Variants in SYTL5 observed in about 807,000 individuals in gnomAD.
SYTL5 encodes synaptotagmin like 5, also known as synaptotagmin-like protein 5.
In SYTL5, 34 loss-of-function variants were observed where a neutral mutation model predicts 55.9. The observed-to-expected ratio is 0.61, with a 90% CI of 0.46 to 0.81. The LOEUF (loss-of-function observed/expected upper bound fraction) is 0.81, where lower values mean the gene tolerates loss of function less well. Ranked by LOEUF, SYTL5 falls within the 30% of genes least tolerant of loss-of-function variation. The probability of loss-of-function intolerance (pLI) is 0.00; values close to 1 mark genes in which losing one functional copy is unlikely to be tolerated. For synonymous variants in SYTL5, 221 were observed against 188.7 expected (o/e 1.17, Z -1.40); for missense variants, 637 against 546.7 (o/e 1.17, Z -1.65).
intron 2 of SYTL5, among the ~76,000 whole-genome samples, chrX:38,051,170 A>T (rs774634488): frequency 8.9e-6 from 1 of 111,836 alleles, no homozygotes; most frequent in South Asian, 3.8e-4. Context: ...TATGTTGCTG[A>T]ATCCTATCTC....
intron 9 of SYTL5, among the ~76,000 whole-genome samples, chrX:38,100,519 TC>T (rs1216256903): frequency 9.0e-6 from 1 of 110,902 alleles, no homozygotes; most frequent in Non-Finnish European, 1.9e-5. Flanking sequence ...AAACAGGAAA[TC>T]CAGTTGGCTG....
At position 38,061,118 on chromosome X, in the gene SYTL5, A is replaced by T. The variant is rs137986785; in HGVS notation, c.329+6696A>T. Among the ~76,000 whole-genome samples the T allele has an allele frequency of 2.8e-4, 31 of 112,385 alleles. No homozygotes were observed. The East Asian group carries it at 8.1e-3, about 29-fold the overall frequency. On this transcript the variant is annotated intron_variant, in intron 3 of 16. Coordinates refer to ENST00000297875, the MANE Select transcript of SYTL5 (RefSeq NM_138780.3). ...ATGCGTTAAAATGTCTTAAGGAAGA[A>T]ACAGCTCTTTCAATGTGTGATTCTA...
chrX:38,064,212 T>C (rs187005922), intron 3 of SYTL5, among the ~76,000 whole-genome samples: 171 of 111,335 alleles, frequency 1.5e-3, no homozygotes, highest in African/African-American at 4.8e-3. Context: ...GGGAATGAAA[T>C]TGCACACCAA....
At chrX:37,899,230 C>T in the SYTL5 span, among the ~76,000 whole-genome samples, 1 of 110,353 alleles carries the variant, frequency 9.1e-6, no homozygotes, top group Non-Finnish European at 1.9e-5. Flanking sequence ...AGAGACGGGC[C>T]TTATTAGGTC....
At chrX:38,050,791 G>T (rs568056003) in intron 2 of SYTL5, among the ~76,000 whole-genome samples, 8 of 111,869 alleles carry the variant, frequency 7.2e-5, no homozygotes, top group African/African-American at 2.6e-4. Context: ...TCTACTTCAT[G>T]GCATTTTCAG....
intron 8 of SYTL5, among the ~76,000 whole-genome samples, chrX:38,095,909 C>G (rs1162904259): frequency 2.7e-5 from 3 of 110,894 alleles, no homozygotes; most frequent in Non-Finnish European, 5.7e-5. Flanking sequence ...ACATGAACAC[C>G]TAAGTGTAAT....
At chrX:38,048,179 C>A (rs1935524773) in intron 2 of SYTL5, among the ~76,000 whole-genome samples, 1 of 108,455 alleles carries the variant, frequency 9.2e-6, no homozygotes, top group African/African-American at 3.3e-5. Context: ...GAGTGCAACT[C>A]CATCTCAAAA....
Position 38,089,404 on chromosome X carries a change from C to T in SYTL5, c.690-42C>T. On this transcript the variant is annotated intron_variant, in intron 6 of 16. Transcript: ENST00000297875. Reference sequence around the variant, plus strand: ...ACTCTGCCTGTGTATTTGGTTGCTGCTCTGCTTCCATGTTAAAGTCAGAAT... The same window carrying T: ...ACTCTGCCTGTGTATTTGGTTGCTGTTCTGCTTCCATGTTAAAGTCAGAAT... 3.4e-6 allele frequency: 4 copies of T among 1,176,257 alleles called. No homozygotes were observed. In the Middle Eastern group the frequency reaches 7.3e-4, roughly 215 times the overall value.
chrX:37,891,473 G>A, the SYTL5 span, among the ~76,000 whole-genome samples: 1 of 111,779 alleles, frequency 8.9e-6, no homozygotes, highest in Admixed American at 9.5e-5. Context: ...AAGGCTGGAG[G>A]ATTGGAAAAA....
At chrX:38,049,265 T>C (rs770558318) in intron 2 of SYTL5, among the ~76,000 whole-genome samples, 8 of 112,339 alleles carry the variant, frequency 7.1e-5, no homozygotes, top group African/African-American at 2.3e-4. Context: ...GCAACATCTC[T>C]GCAAGTGGAA....
the SYTL5 span, among the ~76,000 whole-genome samples, chrX:37,991,491 G>C: frequency 9.0e-6 from 1 of 111,153 alleles, no homozygotes; most frequent in Non-Finnish European, 1.9e-5. Flanking sequence ...CCGGCCCTGT[G>C]GGGAGGAACT....
the SYTL5 span, among the ~76,000 whole-genome samples, chrX:37,985,854 C>A: frequency 6.3e-5 from 7 of 111,370 alleles, no homozygotes; most frequent in African/African-American, 2.3e-4. Flanking sequence ...AATTGAGAGT[C>A]CAGAAATAAA....
At chrX:37,998,595 C>A in the SYTL5 span, among the ~76,000 whole-genome samples, 1 of 112,044 alleles carries the variant, frequency 8.9e-6, no homozygotes, top group East Asian at 2.8e-4. Context: ...TCCTCACACA[C>A]CCCTTGCCGT....
Position 38,017,616 on chromosome X carries a change from C to T in SYTL5, c.-357+10948C>T, listed in dbSNP as rs751073247. Among the ~76,000 whole-genome samples, 15 of 109,405 alleles carry T rather than the reference C, an allele frequency of 1.4e-4. No individual in the cohort carries two copies. In the South Asian group the frequency reaches 6.2e-3, roughly 45 times the overall value. The stretch of plus-strand genomic sequence containing the variant: ...AAGATCAGGCTGCTTATTCTCATGG[C>T]CCGATAACGAGATTCAGATAAGCTG... On this transcript the variant is annotated intron_variant, in intron 1 of 16. Coordinates refer to ENST00000297875, the MANE Select transcript of SYTL5 (RefSeq NM_138780.3).
At chrX:38,043,702 TAC>T (rs1555924894) in intron 2 of SYTL5, among the ~76,000 whole-genome samples, 5 of 89,695 alleles carry the variant, frequency 5.6e-5, no homozygotes, top group African/African-American at 1.6e-4. Context: ...CATATATATA[TAC>T]ATATTTTCAT....
chrX:38,071,007 A>G (rs1221502922), intron 3 of SYTL5, among the ~76,000 whole-genome samples: 1 of 111,731 alleles, frequency 9.0e-6, no homozygotes, highest in Non-Finnish European at 1.9e-5. Context: ...GATAATAAGA[A>G]CTATGAGAAT....
chrX:37,949,405 G>A, the SYTL5 span: 3 of 111,825 alleles, frequency 2.7e-5, no homozygotes, highest in African/African-American at 9.7e-5. Context: ...CTGACATTGA[G>A]GTACCTCCAA....
chrX:38,034,137 A>G (rs746216080), intron 2 of SYTL5, 129 bp downstream of exon 2: 11 of 323,326 alleles, frequency 3.4e-5, no homozygotes, highest in Non-Finnish European at 6.0e-5. Flanking sequence ...ATGAGTTCTC[A>G]TCAGTAGCCC....
chrX:38,044,495 ATTCAG>A (rs1935400066), intron 2 of SYTL5, among the ~76,000 whole-genome samples: 1 of 112,149 alleles, frequency 8.9e-6, no homozygotes, highest in Non-Finnish European at 1.9e-5. Flanking sequence ...ATGTGTCCAT[ATTCAG>A]CAGCAGAATT....
Sources: gnomAD v4.1 joint callset for allele counts (sites outside exome capture counted in the v4.1 genomes callset) on GRCh38, gnomAD v4.1.1 for gene constraint, MANE v1.5 for transcripts, NCBI Gene and HGNC (gene_info 2026-07-23, HGNC 2026-07-21) for gene names.